Variants in CAP2 observed in about 807,000 individuals in gnomAD.
CAP2 encodes the protein adenylyl cyclase-associated protein 2.
A neutral mutation model predicts 57.7 loss-of-function variants in CAP2; 24 were observed. The observed-to-expected ratio is 0.42, with a 90% CI of 0.30 to 0.58. CAP2 has a LOEUF of 0.58. CAP2 is among the 20% of genes least tolerant of loss of function. The pLI, the probability that CAP2 is intolerant of heterozygous loss-of-function variation, is 0.22. For synonymous variants in CAP2, 194 were observed against 207.2 expected, an observed-to-expected ratio of 0.94 and a Z score of 0.55; for missense variants, 501 against 590.3, an observed-to-expected ratio of 0.85 and a Z score of 1.57.
chr6:17,482,764 C>T (rs1761323630), intron 4 of CAP2, among the ~76,000 whole-genome samples: 1 of 152,198 alleles, frequency 6.6e-6, no homozygotes, highest in South Asian at 2.1e-4. Flanking sequence ...ACCAGGGGCC[C>T]TCCCTACTGC....
intron 1 of CAP2, among the ~76,000 whole-genome samples, chr6:17,395,504 A>G (rs1022528358): frequency 6.6e-6 from 1 of 152,204 alleles, no homozygotes; most frequent in African/African-American, 2.4e-5. Context: ...TTGTCCTTCT[A>G]GTAGTAGTTT....
At chr6:17,540,349 GAGA>G (rs1209881833) in intron 8 of CAP2, among the ~76,000 whole-genome samples, 6 of 152,096 alleles carry the variant, frequency 3.9e-5, no homozygotes, top group South Asian at 2.1e-4. Flanking sequence ...TTAGCCGTAA[GAGA>G]AGAAGTAAGA....
intron 1 of CAP2, among the ~76,000 whole-genome samples, chr6:17,411,814 G>T (rs1296557193): frequency 1.3e-5 from 2 of 152,050 alleles, no homozygotes; most frequent in African/African-American, 4.8e-5. Flanking sequence ...GCCCTTAGGG[G>T]ACTCCTAGAA....
At chr6:17,507,992 T>A (rs112712504) in intron 6 of CAP2, among the ~76,000 whole-genome samples, 1,943 of 152,360 alleles carry the variant, frequency 0.013, 23 homozygotes, top group Middle Eastern at 0.02. Flanking sequence ...CACTATCTTA[T>A]GTATTCCCAC....
chr6:17,474,185 C>T (rs58011017), intron 4 of CAP2, among the ~76,000 whole-genome samples: 123 of 93,110 alleles, frequency 1.3e-3, no homozygotes, highest in African/African-American at 3.2e-3. Context: ...AAAAAACAGT[C>T]TTTTTTTTTT....
intron 3 of CAP2, 69 bp downstream of exon 3, chr6:17,426,759 A>G (rs1581507986): frequency 2.0e-6 from 2 of 998,210 alleles, no homozygotes; most frequent in East Asian, 4.8e-5. Context: ...GACAACGCTA[A>G]CAGCCTGAGG....
At chr6:17,540,153 T>A (rs1465054704) in intron 8 of CAP2, among the ~76,000 whole-genome samples, 1 of 152,172 alleles carries the variant, frequency 6.6e-6, no homozygotes, top group East Asian at 1.9e-4. Context: ...AAGAATTATA[T>A]CCCACTATAC....
intron 4 of CAP2, among the ~76,000 whole-genome samples, chr6:17,502,511 C>CT (rs879258686): frequency 2.5e-4 from 36 of 146,592 alleles, no homozygotes; most frequent in Non-Finnish European, 2.9e-4. Context: ...GTCAACATTG[C>CT]TTTTTTTTTT....
At position 17,513,713 on chromosome 6, in the gene CAP2, G is replaced by A. The variant is rs966347092; in HGVS notation, c.531-136G>A. On this transcript the variant is annotated intron_variant, in intron 6 of 12. Transcript: ENST00000229922. This position sits in a 1 kb window ranked among gnomAD's most constrained non-coding sequence, Gnocchi z 4.3. ...AGGGTTCCCTTCTGAAGCCCTTCAC[G>A]GTGCCTGGGTTGCAAGGACGATTGC... 4.6e-6 allele frequency: 3 copies of A among 645,498 alleles called. No homozygotes were observed. The highest frequency in any genetic ancestry group is 2.7e-5 in the East Asian group (1 of 36,756). 40.0% of individuals were successfully genotyped at this position (645,498 alleles called of 1,614,324 possible). A position where few individuals can be genotyped will look rare whatever the true frequency, so the allele number is the denominator to read the frequency against.
intron 4 of CAP2, among the ~76,000 whole-genome samples, chr6:17,499,527 T>C (rs1356410378): frequency 1.3e-5 from 2 of 151,842 alleles, no homozygotes; most frequent in African/African-American, 4.8e-5. Flanking sequence ...CCAGGTTTTA[T>C]ATTCTTGAAG....
chr6:17,521,181 G>A (rs1355895406), intron 7 of CAP2, among the ~76,000 whole-genome samples: 2 of 152,144 alleles, frequency 1.3e-5, no homozygotes, highest in Admixed American at 6.5e-5. Flanking sequence ...TTGAGAGGCC[G>A]AGGCGGGCAG....
chr6:17,438,321 G>T (rs983992961), intron 3 of CAP2, among the ~76,000 whole-genome samples: 2 of 148,990 alleles, frequency 1.3e-5, no homozygotes, highest in East Asian at 4.2e-4. Flanking sequence ...GGCCGAGATC[G>T]TGCCACTGCA....
At chr6:17,407,327 A>G (rs534521445) in intron 1 of CAP2, among the ~76,000 whole-genome samples, 2 of 152,284 alleles carry the variant, frequency 1.3e-5, no homozygotes, top group Non-Finnish European at 2.9e-5. Flanking sequence ...GAAGTAATAA[A>G]TTGAAGCTGG....
At chr6:17,462,583 G>A (rs1456079788) in intron 3 of CAP2, among the ~76,000 whole-genome samples, 1 of 152,034 alleles carries the variant, frequency 6.6e-6, no homozygotes, top group African/African-American at 2.4e-5. Context: ...AGCACCCACT[G>A]CTCTGTAGTG....
intron 3 of CAP2, among the ~76,000 whole-genome samples, chr6:17,442,753 T>G (rs1471878271): frequency 4.0e-5 from 6 of 151,242 alleles, no homozygotes; most frequent in African/African-American, 1.2e-4. Flanking sequence ...AATATCACTC[T>G]TTCACCCAGG....
In CAP2 at chr6:17,513,481, G is replaced by A. The variant is rs1434756802; in HGVS notation, c.531-368G>A. ...CTGGGAGTATATTGTCTCTCATTTT[G>A]CATCAGAAGCAGTGCAGAAAGAAAC... On this transcript the variant is annotated intron_variant, in intron 6 of 12. Coordinates refer to ENST00000229922, the MANE Select transcript of CAP2 (RefSeq NM_006366.3). This position sits in a 1 kb window ranked among gnomAD's most constrained non-coding sequence, Gnocchi z 4.3. 6.6e-6 allele frequency among the ~76,000 whole-genome samples: 1 copy of A among 151,458 alleles called. No homozygotes were observed. The highest frequency in any genetic ancestry group is 1.5e-5 in the Non-Finnish European group (1 of 67,888).
At chr6:17,396,328 C>T (rs1758662606) in intron 1 of CAP2, among the ~76,000 whole-genome samples, 1 of 152,172 alleles carries the variant, frequency 6.6e-6, no homozygotes, top group Non-Finnish European at 1.5e-5. Flanking sequence ...AACATATGCT[C>T]ACAAAAAAAC....
At chr6:17,529,726 G>A (rs1408944061) in intron 7 of CAP2, among the ~76,000 whole-genome samples, 1 of 151,066 alleles carries the variant, frequency 6.6e-6, no homozygotes, top group African/African-American at 2.4e-5. Flanking sequence ...TGATTTATGT[G>A]TATAAAACAT....
chr6:17,500,340 A>AATATATATATATATATATAT lies in CAP2; in HGVS notation c.301-6804_301-6785dup, dbSNP rs4052821. On this transcript the variant is annotated intron_variant, in intron 4 of 12. Coordinates refer to ENST00000229922, the MANE Select transcript of CAP2 (RefSeq NM_006366.3). ...GTCCAAATATATATGTGTGTGTCCA[A>AATATATATATATATATATAT]ATATATATATATATATATATATATA... Among the ~76,000 whole-genome samples the AATATATATATATATATATAT allele has an allele frequency of 5.5e-3, 181 of 33,044 alleles. 14 individuals carry two copies. Among genetic ancestry groups the AATATATATATATATATATAT allele is most frequent in the Non-Finnish European group, 7.6e-3 (112 of 14,770 alleles). The allele number at this position is 33,044 out of a possible 152,430, so 21.7% of individuals were successfully genotyped here.
Sources: gnomAD v4.1 joint callset for allele counts (sites outside exome capture counted in the v4.1 genomes callset) on GRCh38, gnomAD v4.1.1 for gene constraint, Gnocchi (gnomAD v3.1) non-coding constraint, MANE v1.5 for transcripts, NCBI Gene and HGNC (gene_info 2026-07-23, HGNC 2026-07-21) for gene names.